The following SLC35D2 variants were observed in gnomAD, a reference collection of about 807,000 sequenced individuals.
SLC35D2 encodes the protein nucleotide sugar transporter SLC35D2.
Under a neutral mutation model 41.8 loss-of-function variants are expected in SLC35D2, and 43 were observed. That is an observed-to-expected ratio of 1.03 (90% CI 0.81 to 1.33). SLC35D2 has a LOEUF of 1.33. Among genes scored for constraint, SLC35D2 ranks in the 40% most tolerant of loss-of-function variants. The pLI is 0.00. For missense variants in SLC35D2, 380 were observed against 408.4 expected, an observed-to-expected ratio of 0.93 and a Z score of 0.60; for synonymous variants, 150 against 163.9, an observed-to-expected ratio of 0.92 and a Z score of 0.65.
intron 9 of SLC35D2, among the ~76,000 whole-genome samples, chr9:96,335,846 G>A (rs1031939245): frequency 1.3e-5 from 2 of 152,146 alleles, no homozygotes; most frequent in African/African-American, 4.8e-5. Context: ...AAGGTCAGGA[G>A]ATTGAGATCA....
At chr9:96,323,026 T>C (rs1287660219) in intron 10 of SLC35D2, among the ~76,000 whole-genome samples, 4 of 148,762 alleles carry the variant, frequency 2.7e-5, no homozygotes, top group African/African-American at 1.0e-4. Context: ...GTTTTTCTTT[T>C]TTTTTTTTTT....
At chr9:96,356,382 C>CTT (rs199569097) in intron 4 of SLC35D2, among the ~76,000 whole-genome samples, 68 of 101,384 alleles carry the variant, frequency 6.7e-4, no homozygotes, top group African/African-American at 7.7e-4. Context: ...TTTATTTATT[C>CTT]TTTTTTTTTT....
At chr9:96,326,349 A>G (rs1828525998) in intron 9 of SLC35D2, among the ~76,000 whole-genome samples, 1 of 152,246 alleles carries the variant, frequency 6.6e-6, no homozygotes, top group East Asian at 1.9e-4. Flanking sequence ...TTGTAAATGG[A>G]ACTGATTTAC....
chr9:96,379,741 T>C (rs1230192467), intron 1 of SLC35D2, among the ~76,000 whole-genome samples: 1 of 152,148 alleles, frequency 6.6e-6, no homozygotes, highest in African/African-American at 2.4e-5. Context: ...GAATGAACAA[T>C]GTTATGTGAA....
intron 10 of SLC35D2, among the ~76,000 whole-genome samples, chr9:96,323,022 C>CTTTT (rs869071613): frequency 7.5e-6 from 1 of 133,212 alleles, no homozygotes; most frequent in Non-Finnish European, 1.6e-5. Flanking sequence ...CCTGGTTTTT[C>CTTTT]TTTTTTTTTT....
intron 6 of SLC35D2, among the ~76,000 whole-genome samples, chr9:96,347,163 A>T (rs116585362): frequency 0.011 from 1,644 of 152,268 alleles, 25 homozygotes; most frequent in African/African-American, 0.037. Context: ...GGTCTTCCAA[A>T]TTTCTTACCT....
chr9:96,351,459 A>G (rs1038415476), intron 5 of SLC35D2, among the ~76,000 whole-genome samples: 5 of 152,090 alleles, frequency 3.3e-5, no homozygotes, highest in African/African-American at 1.2e-4. Flanking sequence ...TCTAGTTTGC[A>G]TGGACTGATA....
intron 5 of SLC35D2, 58 bp from the exon 6 acceptor site, chr9:96,351,229 T>C: frequency 1.6e-6 from 2 of 1,222,988 alleles, no homozygotes; most frequent in South Asian, 1.3e-5. Context: ...CATTGAAATA[T>C]GATTATATTT....
intron 8 of SLC35D2, among the ~76,000 whole-genome samples, chr9:96,339,691 TAG>T (rs1829227671): frequency 3.9e-5 from 6 of 152,182 alleles, no homozygotes; most frequent in Admixed American, 3.9e-4. Flanking sequence ...TGTAATATAC[TAG>T]ATGTACTTTG....
downstream of SLC35D2, among the ~76,000 whole-genome samples, chr9:96,317,644 A>G (rs1247726176): frequency 6.6e-6 from 1 of 152,194 alleles, no homozygotes; most frequent in African/African-American, 2.4e-5. Context: ...TGGAAGAAAG[A>G]AGGAAATTAG....
At chr9:96,372,891 GTTCTT>G (rs1406967731) in intron 1 of SLC35D2, among the ~76,000 whole-genome samples, 2 of 146,960 alleles carry the variant, frequency 1.4e-5, no homozygotes, top group African/African-American at 2.5e-5. Flanking sequence ...CGGGTTTTTT[GTTCTT>G]TTGTTTTTTT....
chr9:96,383,256 G>A (rs1308195841), intron 1 of SLC35D2, among the ~76,000 whole-genome samples: 1 of 152,206 alleles, frequency 6.6e-6, no homozygotes, highest in African/African-American at 2.4e-5. Context: ...CTCGCAGCAG[G>A]GCAGGCGCGC....
chr9:96,314,844 G>A (rs1040657606), exon 12 of SLC35D2: 1 of 152,196 alleles, frequency 6.6e-6, no homozygotes, highest in Non-Finnish European at 1.5e-5. Flanking sequence ...GAACCGAGAA[G>A]AGAATGACCC....
downstream of SLC35D2, among the ~76,000 whole-genome samples, chr9:96,317,550 G>T (rs1252874533): frequency 6.6e-6 from 1 of 152,116 alleles, no homozygotes; most frequent in East Asian, 1.9e-4. Context: ...CCCTCTGCTG[G>T]CCACACGTGG....
chr9:96,327,886 T>A (rs956796653), intron 9 of SLC35D2, among the ~76,000 whole-genome samples: 2 of 140,136 alleles, frequency 1.4e-5, no homozygotes, highest in African/African-American at 5.2e-5. Flanking sequence ...CCTCCCAAAG[T>A]GCTGGGACTA....
chr9:96,344,096 T>A (rs1310772025), intron 7 of SLC35D2, 100 bp from the exon 8 acceptor site: 2 of 669,576 alleles, frequency 3.0e-6, no homozygotes, highest in Non-Finnish European at 2.5e-6. Flanking sequence ...GAAGTTAGAA[T>A]GTGCATTCTG....
At chr9:96,358,041 T>A (rs558047035) in intron 4 of SLC35D2, among the ~76,000 whole-genome samples, 1 of 141,060 alleles carries the variant, frequency 7.1e-6, no homozygotes, top group Admixed American at 7.3e-5. Context: ...AAAATAATAA[T>A]AATATTTTTA....
intron 1 of SLC35D2, among the ~76,000 whole-genome samples, chr9:96,373,761 C>A (rs1039987084): frequency 1.3e-5 from 2 of 151,876 alleles, no homozygotes; most frequent in Non-Finnish European, 2.9e-5. Context: ...AGAAGTGTTT[C>A]AAGTGTCCCA....
chr9:96,381,420 C>A (rs1420819733), intron 1 of SLC35D2, among the ~76,000 whole-genome samples: 2 of 152,176 alleles, frequency 1.3e-5, no homozygotes, highest in African/African-American at 2.4e-5. Flanking sequence ...CATTCCCATT[C>A]AAACTCTTCA....
Sources: gnomAD v4.1 joint callset for allele counts (sites outside exome capture counted in the v4.1 genomes callset) on GRCh38, gnomAD v4.1.1 for gene constraint, MANE v1.5 for transcripts, NCBI Gene and HGNC (gene_info 2026-07-23, HGNC 2026-07-21) for gene names.